The following HERC3 variants were observed in gnomAD, a reference collection of about 807,000 sequenced individuals.
The protein encoded by HERC3 is probable E3 ubiquitin-protein ligase HERC3.
Under a neutral mutation model 129.9 loss-of-function variants are expected in HERC3, and 58 were observed. The ratio of observed to expected loss-of-function variants is 0.45; its 90% CI spans 0.36 to 0.56. The LOEUF is 0.56. Among genes scored for constraint, HERC3 ranks in the 20% least tolerant of loss-of-function variants. The pLI, the probability that HERC3 is intolerant of heterozygous loss-of-function variation, is 0.00. For missense variants in HERC3, 835 were observed against 1,244.2 expected (o/e 0.67, Z 4.95); for synonymous variants, 430 against 451.0 (o/e 0.95, Z 0.59).
At chr4:88,680,645 C>T (rs1464166004) in intron 20 of HERC3, among the ~76,000 whole-genome samples, 2 of 152,182 alleles carry the variant, frequency 1.3e-5, no homozygotes, top group African/African-American at 2.4e-5. Context: ...TTTTTAAAGG[C>T]GTTCTAATTT....
At chr4:88,644,918 A>C (rs1210009519) in intron 3 of HERC3, among the ~76,000 whole-genome samples, 7 of 152,148 alleles carry the variant, frequency 4.6e-5, no homozygotes, top group African/African-American at 1.7e-4. Flanking sequence ...TTGGAAAAGG[A>C]CCTTTCAGAT....
chr4:88,633,975 T>G (rs972906143), intron 3 of HERC3, among the ~76,000 whole-genome samples: 1 of 152,052 alleles, frequency 6.6e-6, no homozygotes, highest in African/African-American at 2.4e-5. Flanking sequence ...GATTGGAAGC[T>G]CCCATGGAAA....
chr4:88,556,368 T>C, the HERC3 span, among the ~76,000 whole-genome samples: 2 of 152,206 alleles, frequency 1.3e-5, no homozygotes, highest in African/African-American at 2.4e-5. Context: ...CTAATAGCTC[T>C]AAAACCACAC....
At chr4:88,554,833 C>A in the HERC3 span, among the ~76,000 whole-genome samples, 4 of 152,080 alleles carry the variant, frequency 2.6e-5, no homozygotes, top group Non-Finnish European at 4.4e-5. Context: ...AGCAAGTATA[C>A]CAAAATGGGC....
intron 9 of HERC3, chr4:88,656,261 A>G (rs767272152): frequency 1.1e-5 from 6 of 540,098 alleles, no homozygotes; most frequent in Non-Finnish European, 2.0e-5. Flanking sequence ...CCGTTCTTGC[A>G]TTGCTGTAAA....
chr4:88,682,415 G>C (rs1387476481), intron 21 of HERC3, among the ~76,000 whole-genome samples: 2 of 151,912 alleles, frequency 1.3e-5, no homozygotes, highest in East Asian at 3.9e-4. Flanking sequence ...TTGGTGTGCT[G>C]CACCCATTAA....
At chr4:88,699,057 T>C (rs1220826457) in intron 23 of HERC3, among the ~76,000 whole-genome samples, 3 of 27,768 alleles carry the variant, frequency 1.1e-4, no homozygotes, top group Non-Finnish European at 1.9e-4. Context: ...CTCCTCACCC[T>C]CTTCTTCCTC....
At chr4:88,563,611 T>C in the HERC3 span, among the ~76,000 whole-genome samples, 4 of 152,062 alleles carry the variant, frequency 2.6e-5, no homozygotes, top group African/African-American at 9.7e-5. Flanking sequence ...TGTTCCTAGC[T>C]GTGGGTCTGT....
intron 2 of HERC3, among the ~76,000 whole-genome samples, chr4:88,600,703 A>G (rs575285795): frequency 1.2e-3 from 178 of 152,342 alleles, no homozygotes; most frequent in African/African-American, 3.3e-3. Flanking sequence ...GAGGCCTCAC[A>G]TACAGATCAG....
rs79120584 is a variant in HERC3, at chr4:88,671,348, G to T, written c.1911+1096G>T. On this transcript the variant is annotated intron_variant, in intron 16 of 25. Transcript: ENST00000402738. ...GTGGGGTTTTTGGAAGTCAGCAGTT[G>T]TCTCCAAAAGCAAGACATTTAAATA... Among the ~76,000 whole-genome samples, 77 of 152,192 alleles carry T rather than the reference G, an allele frequency of 5.1e-4. 1 individual carries two copies. In the East Asian group the frequency reaches 0.01, roughly 20 times the overall value.
intron 23 of HERC3, chr4:88,693,661 T>C (rs1210711296): frequency 1.2e-5 from 12 of 982,786 alleles, no homozygotes; most frequent in Middle Eastern, 5.2e-4. Context: ...AGTGTGTACA[T>C]GTGTGTATAT....
the HERC3 span, among the ~76,000 whole-genome samples, chr4:88,582,226 A>T: frequency 0.034 from 5,122 of 151,960 alleles, 282 homozygotes; most frequent in East Asian, 0.27. Flanking sequence ...TTGAAGCTTT[A>T]AAAAAAATTT....
At chr4:88,534,004 G>A in the HERC3 span, among the ~76,000 whole-genome samples, 1 of 151,648 alleles carries the variant, frequency 6.6e-6, no homozygotes, top group Non-Finnish European at 1.5e-5. Context: ...CTTCTCCACT[G>A]CCCTCCTGCT....
the HERC3 span, among the ~76,000 whole-genome samples, chr4:88,530,291 A>G: frequency 2.0e-5 from 3 of 152,162 alleles, no homozygotes; most frequent in South Asian, 6.2e-4. Context: ...TTCCGTCTCC[A>G]AAAGAAAAAA....
chr4:88,557,115 C>T, the HERC3 span, among the ~76,000 whole-genome samples: 6 of 152,138 alleles, frequency 3.9e-5, no homozygotes, highest in African/African-American at 9.7e-5. Flanking sequence ...CCCACCTTAT[C>T]CTTCAATTCC....
Position 88,595,580 on chromosome 4 carries a change from TG to T in HERC3, c.-62del, listed in dbSNP as rs1578131777. On this transcript the variant is annotated 5_prime_UTR_variant, in exon 2 of 26. Coordinates refer to ENST00000402738, the MANE Select transcript of HERC3 (RefSeq NM_014606.3). The stretch of plus-strand genomic sequence containing the variant: ...AGAACTGCAAGGTGTGGAATATTTC[TG>T]GCTTCTAGTCCAATGCCAAGTGTGT... 6.6e-6 allele frequency: 1 copy of T among 152,348 alleles called. No homozygotes were observed. The highest frequency in any genetic ancestry group is 1.9e-4 in the East Asian group (1 of 5,192). The allele number at this position is 152,348 out of a possible 1,614,324, so 9.4% of individuals were successfully genotyped here.
intron 3 of HERC3, among the ~76,000 whole-genome samples, chr4:88,635,836 G>T (rs907232614): frequency 1.3e-5 from 2 of 152,078 alleles, no homozygotes; most frequent in African/African-American, 2.4e-5. Flanking sequence ...GAGAGTGGGG[G>T]TCAATATTCA....
Position 88,652,912 on chromosome 4 carries a change from T to G in HERC3, c.507T>G (p.Leu169=). The G allele has an allele frequency of 6.2e-7, 1 of 1,613,750 alleles. No individual in the cohort carries two copies. Among genetic ancestry groups the G allele is most frequent in the Non-Finnish European group, 8.5e-7 (1 of 1,179,964 alleles). The change falls in exon 6 of 26, where the codon CTT becomes CTG. Residue 169 remains leucine, a synonymous_variant. Coordinates refer to ENST00000402738, the MANE Select transcript of HERC3 (RefSeq NM_014606.3). ...GGGGAAAGAACAGCCATGGGCAGCT[T>G]GGCTTAGGGAAGGAGTTCCCCTCCC... ...FTWGKNSHGQ[L]GLGKEFPSQA... is the part of the protein sequence containing the mutation.
At chr4:88,678,549 C>T (rs1197438443) in intron 19 of HERC3, among the ~76,000 whole-genome samples, 1 of 152,008 alleles carries the variant, frequency 6.6e-6, no homozygotes, top group African/African-American at 2.4e-5. Flanking sequence ...AAGCTATTGG[C>T]CTATTATGAG....
Sources: gnomAD v4.1 joint callset for allele counts (sites outside exome capture counted in the v4.1 genomes callset) on GRCh38, gnomAD v4.1.1 for gene constraint, MANE v1.5 for transcripts, NCBI Gene and HGNC (gene_info 2026-07-23, HGNC 2026-07-21) for gene names.